POLE2: variants seen among roughly 807,000 people sequenced by gnomAD.
The protein encoded by POLE2 is DNA polymerase epsilon subunit 2.
A neutral mutation model predicts 79.4 loss-of-function variants in POLE2; 56 were observed. The observed-to-expected ratio is 0.71, with a 90% CI of 0.57 to 0.88. POLE2 has a LOEUF of 0.88. Ranked by LOEUF, POLE2 falls within the 40% of genes least tolerant of loss-of-function variation. The pLI is 0.00. For synonymous variants in POLE2, 212 were observed against 214.0 expected, an observed-to-expected ratio of 0.99 and a Z score of 0.08; for missense variants, 598 against 638.9, an observed-to-expected ratio of 0.94 and a Z score of 0.69.
intron 6 of POLE2, among the ~76,000 whole-genome samples, chr14:49,668,566 G>A (rs1052123282): frequency 8.5e-5 from 13 of 152,052 alleles, no homozygotes; most frequent in African/African-American, 3.1e-4. Flanking sequence ...GTAGATAAAT[G>A]TAATTTAAGT....
chr14:49,648,934 T>C (rs1198412665), intron 17 of POLE2, among the ~76,000 whole-genome samples: 2 of 150,710 alleles, frequency 1.3e-5, no homozygotes, highest in East Asian at 2.0e-4. Flanking sequence ...CCCAGCATCA[T>C]GCCAAAAATA....
chr14:49,646,668 T>C (rs1432569137), intron 18 of POLE2: 1 of 152,180 alleles, frequency 6.6e-6, no homozygotes, highest in Non-Finnish European at 1.5e-5. Flanking sequence ...AAAATACAGT[T>C]ATCTGAGAAA....
intron 1 of POLE2, 75 bp downstream of exon 1, chr14:49,688,061 G>A (rs1419109613): frequency 2.4e-6 from 3 of 1,236,288 alleles, no homozygotes; most frequent in Non-Finnish European, 3.4e-6. Flanking sequence ...CCGCCGCGGT[G>A]CGTCCCGCTG....
At chr14:49,653,344 A>G (rs1012850837) in intron 15 of POLE2, among the ~76,000 whole-genome samples, 1 of 152,256 alleles carries the variant, frequency 6.6e-6, no homozygotes, top group African/African-American at 2.4e-5. Flanking sequence ...TTCCCACAGG[A>G]AGAACTTATG....
chr14:49,660,262 T>C (rs886715249), intron 10 of POLE2, among the ~76,000 whole-genome samples: 2 of 152,156 alleles, frequency 1.3e-5, no homozygotes, highest in Non-Finnish European at 2.9e-5. Context: ...GTGGGCTATA[T>C]CATCTAGGTT....
At chr14:49,652,156 A>C in intron 15 of POLE2, among the ~76,000 whole-genome samples, 1 of 64,444 alleles carries the variant, frequency 1.6e-5, no homozygotes, top group Non-Finnish European at 3.7e-5. Context: ...CTGCGTTAAG[A>C]ATAGAATACG....
chr14:49,657,278 T>C (rs986677873), intron 10 of POLE2, among the ~76,000 whole-genome samples: 21 of 152,148 alleles, frequency 1.4e-4, no homozygotes, highest in African/African-American at 5.1e-4. Context: ...GTTGATAGCA[T>C]ATTATTAGAT....
chr14:49,679,396 A>T, intron 3 of POLE2: 1 of 200,730 alleles, frequency 5.0e-6, no homozygotes, highest in Non-Finnish European at 1.0e-5. Flanking sequence ...CTAAGAGCAA[A>T]GTAAATTATA....
intron 13 of POLE2, 37 bp from the exon 14 acceptor site, chr14:49,654,251 T>G (rs1884486468): frequency 7.2e-7 from 1 of 1,397,392 alleles, no homozygotes; most frequent in African/African-American, 1.4e-5. Context: ...TTAAAAATAT[T>G]ATTGTAACAC....
rs112668075 is a variant in POLE2 at position 49,666,914 on chromosome 14, T to C, written c.493-501A>G. ...ATTGGGACACTATTGTAAAAAATCCTTTCCGGCCAGGTGCAGTGGCTCACG... is the reference window on the plus strand; with the variant it reads ...ATTGGGACACTATTGTAAAAAATCCCTTCCGGCCAGGTGCAGTGGCTCACG... On this transcript the variant is annotated intron_variant, in intron 6 of 18. Transcript: ENST00000216367. 5.3e-3 allele frequency among the ~76,000 whole-genome samples: 804 copies of C among 152,214 alleles called. 7 individuals are homozygous for C. Among genetic ancestry groups the C allele is most frequent in the African/African-American group, 0.018 (758 of 41,558 alleles).
intron 1 of POLE2, among the ~76,000 whole-genome samples, chr14:49,685,684 T>C (rs538359965): frequency 5.3e-4 from 80 of 152,216 alleles, no homozygotes; most frequent in African/African-American, 1.8e-3. Flanking sequence ...AGTGGCGTAA[T>C]CTTGGCTCAC....
intron 10 of POLE2, among the ~76,000 whole-genome samples, chr14:49,660,562 C>G (rs1197828711): frequency 6.6e-6 from 1 of 151,790 alleles, no homozygotes; most frequent in Non-Finnish European, 1.5e-5. Context: ...TGGCTTGAGT[C>G]GGAAACCTTG....
intron 10 of POLE2, 99 bp from the exon 11 acceptor site, chr14:49,655,942 C>T: frequency 1.5e-6 from 1 of 648,300 alleles, no homozygotes; most frequent in East Asian, 2.9e-5. Flanking sequence ...AAGTTATTTT[C>T]CAGTGTAAAA....
intron 2 of POLE2, among the ~76,000 whole-genome samples, chr14:49,682,346 T>C (rs1274971780): frequency 6.6e-6 from 1 of 150,648 alleles, no homozygotes; most frequent in Non-Finnish European, 1.5e-5. Context: ...TTTGTATCAA[T>C]GTCTATTTTC....
At position 49,685,780 on chromosome 14, in the gene POLE2, G is replaced by C. The variant is rs1887086633; in HGVS notation, c.69-2087C>G. Among the ~76,000 whole-genome samples, 6 of 150,636 alleles carry C rather than the reference G, an allele frequency of 4.0e-5. No individual in the cohort carries two copies. The South Asian group carries it at 1.2e-3, about 31-fold the overall frequency. ...GTTACAGGTGCACATCACCACGTCT[G>C]GCTGGTTGGTTTTTTTTTTTGTATT... On this transcript the variant is annotated intron_variant, in intron 1 of 18. Coordinates refer to ENST00000216367, the MANE Select transcript of POLE2 (RefSeq NM_002692.4).
intron 17 of POLE2, among the ~76,000 whole-genome samples, chr14:49,648,182 G>A (rs528594249): frequency 3.3e-5 from 5 of 152,174 alleles, no homozygotes; most frequent in African/African-American, 9.7e-5. Flanking sequence ...AAACTCTCAC[G>A]TGGCTGAGCA....
At position 49,664,218 on chromosome 14, in the gene POLE2, A is replaced by G. The variant is rs542840191; in HGVS notation, c.682+408T>C. ...CAAAAAATTAGCTAGGCATGGTGGC[A>G]TGCGCCTATAATCTCAGCTACTCGG... On this transcript the variant is annotated intron_variant, in intron 9 of 18. Transcript: ENST00000216367. Among the ~76,000 whole-genome samples, 142 of 151,524 alleles carry G rather than the reference A, an allele frequency of 9.4e-4. No individual in the cohort carries two copies. The East Asian group carries it at 0.024, about 25-fold the overall frequency.
At chr14:49,650,101 C>T (rs1332479557) in intron 17 of POLE2, 164 bp downstream of exon 17, 2 of 405,406 alleles carry the variant, frequency 4.9e-6, no homozygotes, top group Non-Finnish European at 8.2e-6. Context: ...AGTTTAAGAA[C>T]TTTCTGTGTA....
At chr14:49,679,935 A>AT (rs1886579872) in intron 2 of POLE2, 135 bp from the exon 3 acceptor site, 2 of 600,492 alleles carry the variant, frequency 3.3e-6, no homozygotes, top group Non-Finnish European at 6.0e-6. Flanking sequence ...GGAGAAAAAA[A>AT]GTGTTAGGTC....
Sources: allele counts gnomAD v4.1 joint callset (sites outside exome capture counted in the v4.1 genomes callset), GRCh38; gene constraint gnomAD v4.1.1; transcripts MANE v1.5; gene names NCBI Gene and HGNC (gene_info 2026-07-23, HGNC 2026-07-21).